The following INPP5D variants were observed in gnomAD, a reference collection of about 807,000 sequenced individuals.
The protein encoded by INPP5D is phosphatidylinositol 3,4,5-trisphosphate 5-phosphatase 1.
INPP5D carries 33 observed loss-of-function variants against 122.9 expected under a neutral mutation model. That is an observed-to-expected ratio of 0.27 (90% CI 0.20 to 0.36). The LOEUF (loss-of-function observed/expected upper bound fraction) is 0.36, where lower values mean the gene tolerates loss of function less well. Ranked by LOEUF, INPP5D falls within the 10% of genes least tolerant of loss-of-function variation. The probability of loss-of-function intolerance (pLI) is 1.00; values close to 1 mark genes in which losing one functional copy is unlikely to be tolerated. For missense variants in INPP5D, 1,053 were observed against 1,412.7 expected (o/e 0.75, Z 4.08); for synonymous variants, 584 against 576.2 (o/e 1.01, Z -0.19).
In INPP5D at chr2:233,146,247, G is replaced by A. The variant is rs370638091; in HGVS notation, c.834+5G>A. The A allele has an allele frequency of 3.1e-5, 22 of 704,264 alleles. No individual in the cohort carries two copies. The highest frequency in any genetic ancestry group is 2.3e-4 in the Middle Eastern group (1 of 4,370). The allele number at this position is 704,264 out of a possible 1,614,324, so 43.6% of individuals were successfully genotyped here. On this transcript the variant is annotated splice_donor_5th_base_variant and intron_variant, in intron 7 of 26. Transcript: ENST00000445964. Reference sequence around the variant, plus strand: ...TTGTCGTCCATTGAAGACAAGGTACGTGTGGGGCTCCTGCGGCTTCTCTTG... The same window carrying A: ...TTGTCGTCCATTGAAGACAAGGTACATGTGGGGCTCCTGCGGCTTCTCTTG...
At chr2:233,166,827 T>G (rs141332641) in intron 13 of INPP5D, among the ~76,000 whole-genome samples, 2,178 of 151,384 alleles carry the variant, frequency 0.014, 43 homozygotes, top group African/African-American at 0.048. Flanking sequence ...CCACTAAAAA[T>G]ACAAAAATTA....
In INPP5D at chr2:233,078,156, G is replaced by A. The variant is rs1170640331; in HGVS notation, c.135-1179G>A. 6.6e-6 allele frequency among the ~76,000 whole-genome samples: 1 copy of A among 152,204 alleles called. No homozygotes were observed. Among genetic ancestry groups the A allele is most frequent in the South Asian group, 2.1e-4 (1 of 4,830 alleles). On this transcript the variant is annotated intron_variant, in intron 1 of 26. Transcript: ENST00000445964. This position sits in a 1 kb window ranked among gnomAD's most constrained non-coding sequence, Gnocchi z 4.6. ...CCCTCGATCTCCTGACAGCCTTCTGGCCTCAGCAGCCGATGGATTCCATGG... is the reference window on the plus strand; with the variant it reads ...CCCTCGATCTCCTGACAGCCTTCTGACCTCAGCAGCCGATGGATTCCATGG...
chr2:233,085,826 A>G (rs1691814562), intron 2 of INPP5D, among the ~76,000 whole-genome samples: 1 of 151,996 alleles, frequency 6.6e-6, no homozygotes, highest in Non-Finnish European at 1.5e-5. Flanking sequence ...GCCATTTGTC[A>G]TCTCTACCTC....
At position 233,185,718 on chromosome 2, in the gene INPP5D, A is replaced by T; in HGVS notation, c.2276-125A>T. 1.6e-4 allele frequency: 124 copies of T among 777,796 alleles called. No individual in the cohort carries two copies. The African/African-American group carries it at 1.7e-3, about 11-fold the overall frequency. The allele number at this position is 777,796 out of a possible 1,614,324, so 48.2% of individuals were successfully genotyped here. On this transcript the variant is annotated intron_variant, in intron 20 of 26. Coordinates refer to ENST00000445964, the MANE Select transcript of INPP5D (RefSeq NM_001017915.3). ...AATGATGCTGAGGCCCCGAGATAAAAAAAAAAAAAAAAAAAAAAAGGAGAG... is the reference window on the plus strand; with the variant it reads ...AATGATGCTGAGGCCCCGAGATAAATAAAAAAAAAAAAAAAAAAAGGAGAG...
At chr2:233,101,426 T>C (rs752764202) in intron 2 of INPP5D, among the ~76,000 whole-genome samples, 9 of 152,096 alleles carry the variant, frequency 5.9e-5, no homozygotes, top group Non-Finnish European at 1.2e-4. Flanking sequence ...GAGACTCCTG[T>C]CACACCTGTT....
chr2:233,140,638 A>T (rs1693613792), intron 6 of INPP5D: 1 of 152,382 alleles, frequency 6.6e-6, no homozygotes, highest in East Asian at 1.9e-4. Context: ...CCTCCCATGT[A>T]TTAAAACTGC....
intron 2 of INPP5D, among the ~76,000 whole-genome samples, chr2:233,112,909 C>T (rs923749972): frequency 1.3e-5 from 2 of 152,096 alleles, no homozygotes; most frequent in Admixed American, 6.5e-5. Flanking sequence ...CCACTCACCT[C>T]GGTTTCCCAA....
chr2:233,185,783 G>A, intron 20 of INPP5D, 60 bp from the exon 21 acceptor site: 2 of 1,489,754 alleles, frequency 1.3e-6, no homozygotes, highest in East Asian at 2.6e-5. Context: ...ACCCCAGGGA[G>A]TCTTTTCTGT....
intron 22 of INPP5D, among the ~76,000 whole-genome samples, 158 bp downstream of exon 22, chr2:233,190,095 T>C (rs1208454704): frequency 2.0e-5 from 3 of 152,130 alleles, no homozygotes; most frequent in African/African-American, 7.2e-5. Context: ...CACTAAGTCA[T>C]CCTTCCCTCC....
At chr2:233,085,709 C>A (rs938526268) in intron 2 of INPP5D, among the ~76,000 whole-genome samples, 1 of 152,142 alleles carries the variant, frequency 6.6e-6, no homozygotes, top group African/African-American at 2.4e-5. Context: ...TTCTAGCCCC[C>A]TGGGGTACAC....
At chr2:233,190,521 G>A (rs1400467110) in intron 22 of INPP5D, among the ~76,000 whole-genome samples, 1 of 150,046 alleles carries the variant, frequency 6.7e-6, no homozygotes, top group Non-Finnish European at 1.5e-5. Flanking sequence ...TTGGGCTGAG[G>A]TGTCGTTCAG....
At chr2:233,169,771 T>C in intron 14 of INPP5D, 1 of 623,444 alleles carries the variant, frequency 1.6e-6, no homozygotes. Context: ...GTTCTGATTC[T>C]CTGCTGAGCA....
intron 1 of INPP5D, among the ~76,000 whole-genome samples, 178 bp downstream of exon 1, chr2:233,060,790 T>C (rs1021594825): frequency 3.3e-5 from 5 of 152,142 alleles, no homozygotes; most frequent in Non-Finnish European, 7.4e-5. Context: ...CATGGCAGGT[T>C]TTGCAGCCTT....
chr2:233,101,540 T>C (rs1692310468), intron 2 of INPP5D, among the ~76,000 whole-genome samples: 1 of 147,440 alleles, frequency 6.8e-6, no homozygotes, highest in Non-Finnish European at 1.5e-5. Context: ...ATATATCATA[T>C]ATTATATTAT....
intron 5 of INPP5D, among the ~76,000 whole-genome samples, chr2:233,139,043 C>T (rs993077596): frequency 1.3e-5 from 2 of 152,008 alleles, no homozygotes; most frequent in Non-Finnish European, 2.9e-5. Context: ...CGTGAGCCAC[C>T]GTGCCTGGCC....
In INPP5D at chr2:233,164,107, C is replaced by T. The variant is rs191410260; in HGVS notation, c.1438-200C>T. Among the ~76,000 whole-genome samples, 3 of 152,286 alleles carry T rather than the reference C, an allele frequency of 2.0e-5. No homozygotes were observed. In the East Asian group the frequency reaches 5.8e-4, roughly 29 times the overall value. On this transcript the variant is annotated intron_variant, in intron 12 of 26. Coordinates refer to ENST00000445964, the MANE Select transcript of INPP5D (RefSeq NM_001017915.3). The surrounding 1 kb of genome is among the most constrained non-coding windows in gnomAD (Gnocchi z 4.3). The stretch of plus-strand genomic sequence containing the variant: ...AAAACCACTGAGTCCTCTATCTTCC[C>T]ACCCTTGGTCAGCCCCGGTTCTCAT...
intron 2 of INPP5D, chr2:233,120,829 C>A (rs568358379): frequency 1.3e-5 from 2 of 152,222 alleles, no homozygotes; most frequent in East Asian, 3.9e-4. Flanking sequence ...ACAATTACCC[C>A]CAAGGTCCTC....
rs1425504364 is a variant in INPP5D, at chr2:233,146,237, G to C, written c.829G>C (p.Asp277His). The C allele has an allele frequency of 1.4e-6, 1 of 704,286 alleles. No homozygotes were observed. The highest frequency in any genetic ancestry group is 1.5e-5 in the South Asian group (1 of 67,600). 43.6% of individuals were successfully genotyped at this position (704,286 alleles called of 1,614,324 possible). Residue 277 changes from aspartate to histidine, a missense_variant, in exon 7 of 27, where the codon GAC (aspartate) becomes CAC (histidine). Asp to His is a moderately conservative substitution (Grantham distance 81). Coordinates refer to ENST00000445964, the MANE Select transcript of INPP5D (RefSeq NM_001017915.3). ...QLTSLLSSIEDKVKALLHEGP... is the reference protein window; with the variant it reads ...QLTSLLSSIEHKVKALLHEGP... ...GACAAGCCTGTTGTCGTCCATTGAA[G>C]ACAAGGTACGTGTGGGGCTCCTGCG...
intron 5 of INPP5D, among the ~76,000 whole-genome samples, chr2:233,139,224 T>C (rs1693581362): frequency 6.6e-6 from 1 of 152,220 alleles, no homozygotes; most frequent in East Asian, 1.9e-4. Flanking sequence ...CTCAAAATTG[T>C]CTGCCCCACT....
Sources: allele counts gnomAD v4.1 joint callset (sites outside exome capture counted in the v4.1 genomes callset), GRCh38; gene constraint gnomAD v4.1.1; non-coding constraint Gnocchi (gnomAD v3.1); transcripts MANE v1.5; gene names NCBI Gene and HGNC (gene_info 2026-07-23, HGNC 2026-07-21).